SSR3: variants seen among roughly 807,000 people sequenced by gnomAD.
SSR3 encodes the protein signal sequence receptor subunit 3, also known as translocon-associated protein subunit gamma.
A neutral mutation model predicts 22.1 loss-of-function variants in SSR3; 10 were observed. The observed-to-expected ratio is 0.45, with a 90% CI of 0.28 to 0.77. The LOEUF (loss-of-function observed/expected upper bound fraction) is 0.77. SSR3 is among the 30% of genes least tolerant of loss of function. The probability of loss-of-function intolerance (pLI) is 0.13; values close to 1 mark genes in which losing one functional copy is unlikely to be tolerated. For synonymous variants in SSR3, 104 were observed against 82.5 expected, an observed-to-expected ratio of 1.26 and a Z score of -1.42; for missense variants, 181 against 220.5, an observed-to-expected ratio of 0.82 and a Z score of 1.13.
intron 3 of SSR3, among the ~76,000 whole-genome samples, chr3:156,546,698 A>G (rs890790151): frequency 3.9e-5 from 6 of 152,312 alleles, no homozygotes; most frequent in African/African-American, 1.4e-4. Context: ...GCACTTCTCA[A>G]TATCTTAAGG....
Position 156,540,548 on chromosome 3 carries a change from G to A in SSR3, c.*2655C>T, listed in dbSNP as rs1719416617. 7.6e-6 allele frequency: 1 copy of A among 132,292 alleles called. No homozygotes were observed. Among genetic ancestry groups the A allele is most frequent in the South Asian group, 2.4e-4 (1 of 4,170 alleles). The allele number at this position is 132,292 out of a possible 1,614,324, so 8.2% of individuals were successfully genotyped here. A position where few individuals can be genotyped will look rare whatever the true frequency, so the allele number is the denominator to read the frequency against. ...GTGAACCTGGGAGGCGGAGCTCGCA[G>A]TGAGCCAAGATAGAGCCACTGTACT... On this transcript the variant is annotated 3_prime_UTR_variant, in exon 5 of 5. Coordinates refer to ENST00000265044, the MANE Select transcript of SSR3 (RefSeq NM_007107.5).
chr3:156,543,980 G>A, intron 4 of SSR3: 2 of 299,216 alleles, frequency 6.7e-6, no homozygotes, highest in Non-Finnish European at 1.2e-5. Flanking sequence ...AAAAATAACA[G>A]GTACAGGGGC....
chr3:156,553,252 T>C (rs909376376), intron 2 of SSR3, among the ~76,000 whole-genome samples: 1 of 148,558 alleles, frequency 6.7e-6, no homozygotes, highest in Non-Finnish European at 1.5e-5. Flanking sequence ...CTAGACCTTG[T>C]CTCAAAAAAT....
rs775509590 is a variant in SSR3, at chr3:156,543,198, A to G, written c.*5T>C. The G allele has an allele frequency of 1.4e-5, 23 of 1,613,250 alleles. No individual in the cohort carries two copies. Among genetic ancestry groups the G allele is most frequent in the Admixed American group, 3.3e-5 (2 of 59,984 alleles). On this transcript the variant is annotated 3_prime_UTR_variant, in exon 5 of 5. Coordinates refer to ENST00000265044, the MANE Select transcript of SSR3 (RefSeq NM_007107.5). ...CACAAAGCCAGGGGGTGAAGCTGAC[A>G]TGGTCTATTTGGAGCCAGTAGACAG...
chr3:156,548,670 C>T (rs929190839), intron 3 of SSR3: 1 of 522,810 alleles, frequency 1.9e-6, no homozygotes, highest in Non-Finnish European at 3.3e-6. Flanking sequence ...AAAATAGTAC[C>T]TACTTCACAG....
intron 2 of SSR3, among the ~76,000 whole-genome samples, chr3:156,549,882 C>T (rs981427978): frequency 6.6e-6 from 1 of 152,070 alleles, no homozygotes; most frequent in East Asian, 1.9e-4. Flanking sequence ...TAAAAGGCTG[C>T]TAAGGGGGCA....
rs1576997142 is a variant in SSR3 at position 156,542,012 on chromosome 3, G to A, written c.*1191C>T. ...ATTTAGAAGTGGATAGTAAAGATTA[G>A]GACTATATTTCCTTTGGGGTGCTGC... On this transcript the variant is annotated 3_prime_UTR_variant, in exon 5 of 5. Transcript: ENST00000265044. 6.6e-6 allele frequency: 1 copy of A among 152,174 alleles called. No individual in the cohort carries two copies. The highest frequency in any genetic ancestry group is 2.4e-5 in the African/African-American group (1 of 41,428). The allele number at this position is 152,174 out of a possible 1,614,324, so 9.4% of individuals were successfully genotyped here.
chr3:156,555,107 G>A lies in SSR3; in HGVS notation c.-18C>T. ...GGAGCCATGGCGGAGCTGCAGGCGA[G>A]AACAGGGAACGTAGAGCCGGCCGCC... On this transcript the variant is annotated 5_prime_UTR_variant, in exon 1 of 5. Coordinates refer to ENST00000265044, the MANE Select transcript of SSR3 (RefSeq NM_007107.5). The A allele has an allele frequency of 1.9e-6, 3 of 1,611,614 alleles. No individual in the cohort carries two copies. The highest frequency in any genetic ancestry group is 2.5e-6 in the Non-Finnish European group (3 of 1,179,482).
intron 1 of SSR3, 97 bp downstream of exon 1, chr3:156,554,860 G>A (rs944714255): frequency 2.7e-6 from 4 of 1,487,374 alleles, no homozygotes; most frequent in African/African-American, 1.4e-5. Context: ...ACCCCCGGCC[G>A]GCACCCACGC....
At chr3:156,545,072 T>G (rs1353817211) in intron 3 of SSR3, among the ~76,000 whole-genome samples, 1 of 152,228 alleles carries the variant, frequency 6.6e-6, no homozygotes, top group Admixed American at 6.5e-5. Flanking sequence ...TTCATCCATC[T>G]TTTCTTTTAC....
intron 2 of SSR3, among the ~76,000 whole-genome samples, chr3:156,550,659 T>C (rs1719918361): frequency 6.6e-6 from 1 of 152,252 alleles, no homozygotes; most frequent in Non-Finnish European, 1.5e-5. Flanking sequence ...CACATCAGTA[T>C]GTCAGAACAC....
At chr3:156,554,410 A>G (rs1459401964) in intron 1 of SSR3, among the ~76,000 whole-genome samples, 2 of 152,208 alleles carry the variant, frequency 1.3e-5, no homozygotes, top group African/African-American at 4.8e-5. Flanking sequence ...CAGTAGGATT[A>G]TTAAAAAGTA....
At position 156,548,853 on chromosome 3, in the gene SSR3, C is replaced by T. The variant is rs6809188; in HGVS notation, c.359+52G>A. The stretch of plus-strand genomic sequence containing the variant: ...TTCTTTAAGCAAAAATCAAAAAATT[C>T]TCTTCAAAGTACCCCCTTTTATGAT... On this transcript the variant is annotated intron_variant, in intron 3 of 4. Coordinates refer to ENST00000265044, the MANE Select transcript of SSR3 (RefSeq NM_007107.5). 0.98 allele frequency: 1,549,706 copies of T among 1,579,454 alleles called. 760,363 individuals are homozygous for T. The highest frequency in any genetic ancestry group is 1 in the East Asian group (44,636 of 44,636).
In SSR3 at chr3:156,541,057, A is replaced by C. The variant is rs1719465189; in HGVS notation, c.*2146T>G. The C allele has an allele frequency of 6.6e-6, 1 of 152,220 alleles. No homozygotes were observed. The highest frequency in any genetic ancestry group is 6.5e-5 in the Admixed American group (1 of 15,276). 9.4% of individuals were successfully genotyped at this position (152,220 alleles called of 1,614,324 possible). ...GATTAAAAACAGTGCTGTAGGAAAA[A>C]TTCACAACAGTAAACAAATTTTGCT... is the stretch of plus-strand genomic sequence containing the variant. On this transcript the variant is annotated 3_prime_UTR_variant, in exon 5 of 5. Transcript: ENST00000265044.
intron 2 of SSR3, among the ~76,000 whole-genome samples, chr3:156,549,730 AT>A (rs558653973): frequency 6.6e-6 from 1 of 152,212 alleles, no homozygotes; most frequent in African/African-American, 2.4e-5. Context: ...CAAATAATGT[AT>A]TTTTTAAAAG....
intron 3 of SSR3, among the ~76,000 whole-genome samples, chr3:156,544,658 G>A (rs1428132378): frequency 6.6e-6 from 1 of 152,146 alleles, no homozygotes; most frequent in Non-Finnish European, 1.5e-5. Flanking sequence ...TGCTGGTTAT[G>A]TTACCATTTT....
intron 4 of SSR3, 33 bp downstream of exon 4, chr3:156,544,275 T>C: frequency 1.3e-6 from 2 of 1,486,914 alleles, no homozygotes; most frequent in Non-Finnish European, 9.0e-7. Flanking sequence ...TTTCTTGACT[T>C]CTAAAAAAGA....
At chr3:156,545,395 T>A (rs1207097515) in intron 3 of SSR3, among the ~76,000 whole-genome samples, 1 of 152,244 alleles carries the variant, frequency 6.6e-6, no homozygotes, top group African/African-American at 2.4e-5. Context: ...AAAATACATA[T>A]TTTTTACTGT....
Position 156,543,014 on chromosome 3 carries a change from A to G in SSR3, c.*189T>C. 4.1e-6 allele frequency: 2 copies of G among 486,998 alleles called. No individual in the cohort carries two copies. Among genetic ancestry groups the G allele is most frequent in the South Asian group, 5.0e-5 (1 of 20,166 alleles). The allele number at this position is 486,998 out of a possible 1,614,324, so 30.2% of individuals were successfully genotyped here. A position where few individuals can be genotyped will look rare whatever the true frequency, so the allele number is the denominator to read the frequency against. On this transcript the variant is annotated 3_prime_UTR_variant, in exon 5 of 5. Transcript: ENST00000265044. ...TCCTAGTACTCTGAGTTTCCCTTTCAATTCATTTAATTTCAACAATCTGTC... is the reference window on the plus strand; with the variant it reads ...TCCTAGTACTCTGAGTTTCCCTTTCGATTCATTTAATTTCAACAATCTGTC...
Sources: gnomAD v4.1 joint callset for allele counts (sites outside exome capture counted in the v4.1 genomes callset) on GRCh38, gnomAD v4.1.1 for gene constraint, MANE v1.5 for transcripts, NCBI Gene and HGNC (gene_info 2026-07-23, HGNC 2026-07-21) for gene names.